Variants in PCMT1 observed in about 807,000 individuals in gnomAD.
The protein encoded by PCMT1 is protein-L-isoaspartate(D-aspartate) O-methyltransferase.
Under a neutral mutation model 29.2 loss-of-function variants are expected in PCMT1, and 9 were observed. The ratio of observed to expected loss-of-function variants is 0.31; its 90% CI spans 0.19 to 0.54. The LOEUF (loss-of-function observed/expected upper bound fraction) is 0.54, where lower values mean the gene tolerates loss of function less well. Among genes scored for constraint, PCMT1 ranks in the 20% least tolerant of loss-of-function variants. The pLI is 0.95. For synonymous variants in PCMT1, 98 were observed against 97.5 expected, an observed-to-expected ratio of 1.00 and a Z score of -0.03; for missense variants, 184 against 282.2, an observed-to-expected ratio of 0.65 and a Z score of 2.49.
chr6:149,758,963 A>T (rs1288777771), intron 1 of PCMT1, among the ~76,000 whole-genome samples: 2 of 151,840 alleles, frequency 1.3e-5, no homozygotes, highest in Non-Finnish European at 2.9e-5. Context: ...GACAACCTCC[A>T]CCTTGTGGGT....
chr6:149,795,631 C>A (rs2115324856), intron 5 of PCMT1: 2 of 477,120 alleles, frequency 4.2e-6, no homozygotes, highest in African/African-American at 2.0e-5. Context: ...GTGTTTCAAT[C>A]TATTCTGGAT....
intron 3 of PCMT1, among the ~76,000 whole-genome samples, chr6:149,785,835 A>G (rs1293956798): frequency 1.3e-5 from 2 of 152,154 alleles, no homozygotes; most frequent in East Asian, 1.9e-4. Context: ...CAACCATCCG[A>G]TTTCTCAATC....
At chr6:149,750,366 T>G (rs929116877) in intron 1 of PCMT1, 2 of 184,418 alleles carry the variant, frequency 1.1e-5, no homozygotes, top group African/African-American at 4.7e-5. Context: ...GACCCCACCC[T>G]CGTCCCCTGC....
At chr6:149,772,124 G>A (rs1473551441) in intron 2 of PCMT1, 4 of 456,546 alleles carry the variant, frequency 8.8e-6, no homozygotes, top group Admixed American at 2.4e-5. Context: ...TCAGTCGGCT[G>A]CCATGCTATC....
intron 3 of PCMT1, among the ~76,000 whole-genome samples, chr6:149,779,019 G>A (rs944340945): frequency 6.6e-6 from 1 of 152,014 alleles, no homozygotes; most frequent in African/African-American, 2.4e-5. Context: ...TTTTCTTGAA[G>A]GTAGAACGTA....
chr6:149,787,942 C>G (rs1396019012), intron 3 of PCMT1, among the ~76,000 whole-genome samples: 1 of 151,930 alleles, frequency 6.6e-6, no homozygotes, highest in East Asian at 1.9e-4. Context: ...TGGAGTCTTG[C>G]TCTGTCGCCC....
intron 1 of PCMT1, among the ~76,000 whole-genome samples, chr6:149,758,833 G>A (rs1045477700): frequency 7.9e-5 from 12 of 152,044 alleles, no homozygotes; most frequent in Admixed American, 3.3e-4. Context: ...ATGCTTTACC[G>A]TAACTTGCCA....
chr6:149,787,265 G>A (rs1177939092), intron 3 of PCMT1, among the ~76,000 whole-genome samples: 1 of 140,568 alleles, frequency 7.1e-6, no homozygotes, highest in Non-Finnish European at 1.5e-5. Context: ...GAGGGAGACC[G>A]TGGAAAGAGA....
At position 149,811,130 on chromosome 6, in the gene PCMT1, A is replaced by G. The variant is rs1776147040; in HGVS notation, c.*552A>G. ...GGTGTCATAGAATAGCATGTTGTAG[A>G]TACAATCAGCTGCTTTGTTACCTTA... On this transcript the variant is annotated 3_prime_UTR_variant, in exon 8 of 8. Transcript: ENST00000464889. The G allele has an allele frequency of 6.5e-6, 1 of 152,804 alleles. No individual in the cohort carries two copies. The highest frequency in any genetic ancestry group is 6.5e-5 in the Admixed American group (1 of 15,298). The allele number at this position is 152,804 out of a possible 1,614,324, so 9.5% of individuals were successfully genotyped here.
intron 3 of PCMT1, among the ~76,000 whole-genome samples, chr6:149,777,772 C>T (rs1478380790): frequency 6.6e-6 from 1 of 151,774 alleles, no homozygotes; most frequent in African/African-American, 2.4e-5. Context: ...CAATTCCTTC[C>T]TTTCTTTCTT....
chr6:149,782,435 C>G (rs946218682), intron 3 of PCMT1, among the ~76,000 whole-genome samples: 1 of 152,090 alleles, frequency 6.6e-6, no homozygotes, highest in Non-Finnish European at 1.5e-5. Flanking sequence ...AAATGTGATG[C>G]GTGCAGTGGT....
intron 3 of PCMT1, among the ~76,000 whole-genome samples, chr6:149,786,265 G>A (rs1583038556): frequency 9.5e-6 from 1 of 105,134 alleles, no homozygotes; most frequent in Non-Finnish European, 1.9e-5. Flanking sequence ...CCGGGCGGGG[G>A]TGCTGACCCC....
At chr6:149,800,202 A>G (rs1362567690) in intron 6 of PCMT1, among the ~76,000 whole-genome samples, 1 of 152,214 alleles carries the variant, frequency 6.6e-6, no homozygotes, top group Non-Finnish European at 1.5e-5. Flanking sequence ...ATGGTGGCTC[A>G]TGCCTGTAAT....
chr6:149,787,702 G>A (rs975549023), intron 3 of PCMT1, among the ~76,000 whole-genome samples: 1 of 151,936 alleles, frequency 6.6e-6, no homozygotes, highest in Non-Finnish European at 1.5e-5. Context: ...CTGACTTACA[G>A]AAATATTATG....
intron 6 of PCMT1, chr6:149,798,308 C>A (rs189565146): frequency 2.6e-5 from 4 of 151,798 alleles, no homozygotes; most frequent in African/African-American, 9.7e-5. Flanking sequence ...TTTAACTTTT[C>A]AAAAAAAATA....
At chr6:149,761,217 G>A (rs1786726677) in intron 1 of PCMT1, among the ~76,000 whole-genome samples, 1 of 149,374 alleles carries the variant, frequency 6.7e-6, no homozygotes, top group Non-Finnish European at 1.5e-5. Flanking sequence ...CACTATGAAA[G>A]TAAAGCAGTC....
intron 3 of PCMT1, among the ~76,000 whole-genome samples, chr6:149,778,523 C>G (rs1396910010): frequency 6.6e-6 from 1 of 151,836 alleles, no homozygotes; most frequent in Non-Finnish European, 1.5e-5. Context: ...GCCACTGCGT[C>G]TAGCCCTTAA....
rs1229869907 is a variant in PCMT1 at position 149,762,886 on chromosome 6, TATATATATCTATG to T, written c.56-8254_56-8242del. ...ATATATATATCTATGATATATATGT[TATATATATCTATG>T]ATATATATCTATGATATATATATCT... On this transcript the variant is annotated intron_variant, in intron 1 of 7. Coordinates refer to ENST00000464889, the MANE Select transcript of PCMT1 (RefSeq NM_001360452.2). Among the ~76,000 whole-genome samples, 28 of 57,908 alleles carry T rather than the reference TATATATATCTATG, an allele frequency of 4.8e-4. 10 individuals carry two copies. Among genetic ancestry groups the T allele is most frequent in the African/African-American group, 2.0e-3 (12 of 6,004 alleles). The allele number at this position is 57,908 out of a possible 152,430, so 38.0% of individuals were successfully genotyped here.
intron 4 of PCMT1, among the ~76,000 whole-genome samples, chr6:149,792,174 G>A (rs1432941568): frequency 2.6e-5 from 4 of 152,132 alleles, no homozygotes; most frequent in African/African-American, 9.7e-5. Flanking sequence ...AATTAGCTGG[G>A]TGTGGTGGCA....
Sources: allele counts gnomAD v4.1 joint callset (sites outside exome capture counted in the v4.1 genomes callset), GRCh38; gene constraint gnomAD v4.1.1; transcripts MANE v1.5; gene names NCBI Gene and HGNC (gene_info 2026-07-23, HGNC 2026-07-21).